Variants in ANKRD62 observed in about 807,000 individuals in gnomAD.
The protein encoded by ANKRD62 is ankyrin repeat domain 62, also known as ankyrin repeat domain-containing protein 62.
A neutral mutation model predicts 98.8 loss-of-function variants in ANKRD62; 61 were observed. The observed-to-expected ratio is 0.62, with a 90% CI of 0.50 to 0.76. The LOEUF is 0.76. ANKRD62 is among the 30% of genes least tolerant of loss of function. The pLI is 0.00. For synonymous variants in ANKRD62, 341 were observed against 367.9 expected (o/e 0.93, Z 0.84); for missense variants, 933 against 1,082.9 (o/e 0.86, Z 1.94).
intron 7 of ANKRD62, among the ~76,000 whole-genome samples, chr18:12,105,588 G>T (rs903206028): frequency 2.6e-4 from 39 of 152,086 alleles, no homozygotes; most frequent in African/African-American, 9.2e-4. Context: ...GATTTACAGG[G>T]CCACTTGCTG....
At chr18:12,116,089 G>A (rs1485009034) in intron 10 of ANKRD62, among the ~76,000 whole-genome samples, 1 of 152,086 alleles carries the variant, frequency 6.6e-6, no homozygotes, top group African/African-American at 2.4e-5. Flanking sequence ...AGTAGCTTCA[G>A]TGAGGTATAA....
chr18:12,126,585 AT>A (rs1000005226), intron 13 of ANKRD62, among the ~76,000 whole-genome samples: 1 of 152,228 alleles, frequency 6.6e-6, no homozygotes, highest in Non-Finnish European at 1.5e-5. Flanking sequence ...AGTAAAGACA[AT>A]GTGACACTTA....
At chr18:12,127,565 A>G (rs1909919306) in intron 13 of ANKRD62, among the ~76,000 whole-genome samples, 183 bp from the exon 14 acceptor site, 2 of 152,238 alleles carry the variant, frequency 1.3e-5, no homozygotes, top group South Asian at 2.1e-4. Flanking sequence ...TGGCACAAAG[A>G]TAACACCTTC....
At chr18:12,111,448 G>A (rs950732026) in intron 8 of ANKRD62, among the ~76,000 whole-genome samples, 6 of 151,980 alleles carry the variant, frequency 3.9e-5, no homozygotes, top group South Asian at 2.1e-4. Flanking sequence ...CACAGCAAAC[G>A]TCATACTGAA....
At chr18:12,146,260 C>T in the ANKRD62 span, among the ~76,000 whole-genome samples, 8 of 152,202 alleles carry the variant, frequency 5.3e-5, no homozygotes, top group East Asian at 3.9e-4. Context: ...ATTCCTTGGC[C>T]GGCAGACATC....
the ANKRD62 span, among the ~76,000 whole-genome samples, chr18:12,177,305 T>G: frequency 2.0e-5 from 3 of 152,276 alleles, no homozygotes; most frequent in African/African-American, 7.2e-5. Flanking sequence ...GAGACACCAG[T>G]GGACACCAGC....
At chr18:12,178,333 G>A in the ANKRD62 span, among the ~76,000 whole-genome samples, 3 of 149,182 alleles carry the variant, frequency 2.0e-5, no homozygotes, top group Non-Finnish European at 4.4e-5. Context: ...AGCATGGAGT[G>A]TGAGTGAAAA....
At position 12,103,143 on chromosome 18, in the gene ANKRD62, T is replaced by C. The variant is rs1909341840; in HGVS notation, c.821-15T>C. ...AAGTAGTTCATTTTAACTAAATATATGGATTTGTGAGCAGAACAAGACTTA... is the reference window on the plus strand; with the variant it reads ...AAGTAGTTCATTTTAACTAAATATACGGATTTGTGAGCAGAACAAGACTTA... On this transcript the variant is annotated splice_polypyrimidine_tract_variant and intron_variant, in intron 6 of 13. Coordinates refer to ENST00000587848, the MANE Select transcript of ANKRD62 (RefSeq NM_001277333.2). 7.3e-7 allele frequency: 1 copy of C among 1,372,102 alleles called. No individual in the cohort carries two copies. The highest frequency in any genetic ancestry group is 9.5e-7 in the Non-Finnish European group (1 of 1,054,990). 85.0% of individuals were successfully genotyped at this position (1,372,102 alleles called of 1,614,324 possible).
At chr18:12,136,007 G>T in the ANKRD62 span, among the ~76,000 whole-genome samples, 6 of 152,284 alleles carry the variant, frequency 3.9e-5, no homozygotes, top group East Asian at 1.2e-3. Context: ...TGTTCACTCT[G>T]ATGGTGGTTT....
At chr18:12,168,972 T>A in the ANKRD62 span, among the ~76,000 whole-genome samples, 2 of 152,206 alleles carry the variant, frequency 1.3e-5, no homozygotes, top group African/African-American at 4.8e-5. Context: ...GTGATTTTTA[T>A]ACATTGATTT....
chr18:12,140,126 C>T, the ANKRD62 span, among the ~76,000 whole-genome samples: 89 of 152,300 alleles, frequency 5.8e-4, no homozygotes, highest in South Asian at 8.3e-4. Context: ...CCCTTTCTTC[C>T]AGTTGATTGC....
At chr18:12,138,431 T>G in the ANKRD62 span, among the ~76,000 whole-genome samples, 5 of 152,240 alleles carry the variant, frequency 3.3e-5, no homozygotes, top group African/African-American at 7.2e-5. Context: ...TAATTTCTGT[T>G]CTTTTACATT....
At chr18:12,171,081 T>C in the ANKRD62 span, among the ~76,000 whole-genome samples, 13 of 145,152 alleles carry the variant, frequency 9.0e-5, no homozygotes, top group South Asian at 9.2e-4. Flanking sequence ...TGGGTCTTCA[T>C]TCTTTATGCA....
rs1321613523 is a variant in ANKRD62, at chr18:12,095,610, G to A, written c.507G>A (p.Gln169=). 3 of 1,501,912 alleles carry A rather than the reference G, an allele frequency of 2.0e-6. No homozygotes were observed. Among genetic ancestry groups the A allele is most frequent in the African/African-American group, 2.8e-5 (2 of 71,924 alleles). The allele number at this position is 1,501,912 out of a possible 1,614,324, so 93.0% of individuals were successfully genotyped here. Residue 169 remains glutamine (Q), a splice_region_variant and synonymous_variant, in exon 3 of 14, where the codon CAG becomes CAA. Transcript: ENST00000587848. The stretch of plus-strand genomic sequence containing the variant: ...GTGCAGATATTGAAGCAAGAAGCCA[G>A]GTATGATCAACCAATGTTCTTTTCA... ...AYGADIEARS[Q]DGHTSLLLAV...
chr18:12,154,834 T>G, the ANKRD62 span, among the ~76,000 whole-genome samples: 2 of 152,188 alleles, frequency 1.3e-5, no homozygotes, highest in African/African-American at 4.8e-5. Flanking sequence ...TGGATGAAGC[T>G]GGAGGCCATT....
At chr18:12,153,211 A>G in the ANKRD62 span, among the ~76,000 whole-genome samples, 1 of 152,238 alleles carries the variant, frequency 6.6e-6, no homozygotes, top group African/African-American at 2.4e-5. Context: ...GGAAGAAGCA[A>G]TATCATTAAA....
At chr18:12,151,173 G>A in the ANKRD62 span, among the ~76,000 whole-genome samples, 1 of 152,048 alleles carries the variant, frequency 6.6e-6, no homozygotes, top group Non-Finnish European at 1.5e-5. Flanking sequence ...AACCAACAAA[G>A]ATCAAAAAAG....
the ANKRD62 span, among the ~76,000 whole-genome samples, chr18:12,136,405 C>A: frequency 6.6e-6 from 1 of 152,100 alleles, no homozygotes; most frequent in East Asian, 1.9e-4. Context: ...TGGTCTATAT[C>A]TCTGTTTTGG....
At chr18:12,155,389 C>T in the ANKRD62 span, among the ~76,000 whole-genome samples, 4 of 152,274 alleles carry the variant, frequency 2.6e-5, no homozygotes, top group Admixed American at 2.0e-4. Flanking sequence ...GGCTTTATTG[C>T]CTGGTTCTCA....
Sources: allele counts gnomAD v4.1 joint callset (sites outside exome capture counted in the v4.1 genomes callset), GRCh38; gene constraint gnomAD v4.1.1; transcripts MANE v1.5; gene names NCBI Gene and HGNC (gene_info 2026-07-23, HGNC 2026-07-21).